The following TASOR2 variants were observed in gnomAD, a reference collection of about 807,000 sequenced individuals.
TASOR2 encodes the protein transcription activation suppressor family member 2, also known as protein TASOR 2.
Under a neutral mutation model 199.5 loss-of-function variants are expected in TASOR2, and 84 were observed. The ratio of observed to expected loss-of-function variants is 0.42; its 90% CI spans 0.35 to 0.50. The LOEUF is 0.50. TASOR2 is among the 20% of genes least tolerant of loss of function. TASOR2 has a pLI of 0.02. For missense variants in TASOR2, 2,796 were observed against 2,835.9 expected (o/e 0.99, Z 0.32); for synonymous variants, 1,103 against 1,046.6 (o/e 1.05, Z -1.04).
chr10:5,760,562 C>G (rs940208190), intron 18 of TASOR2, among the ~76,000 whole-genome samples: 1 of 151,990 alleles, frequency 6.6e-6, no homozygotes, highest in Admixed American at 6.6e-5. Flanking sequence ...CAAAATAATG[C>G]CCACCCAAAA....
At chr10:5,749,713 A>T in exon 15 of TASOR2, 2 of 1,614,236 alleles carry the variant, frequency 1.2e-6, no homozygotes, top group Non-Finnish European at 1.7e-6. Context: ...ACTGAAATAC[A>T]ACAGTACTGT....
At position 5,738,160 on chromosome 10, in the gene TASOR2, C is replaced by G. The variant is rs1835884948; in HGVS notation, c.1448-1458C>G. On this transcript the variant is annotated intron_variant, in intron 12 of 20. Coordinates refer to ENST00000328090, the Ensembl canonical transcript of TASOR2. The surrounding 1 kb of genome is among the most constrained non-coding windows in gnomAD (Gnocchi z 4.7). ...CCTTTTGTTAATGAAACATGATTTTCTGTCCTTTTTATTCACTGAACTTTT... is the reference window on the plus strand; with the variant it reads ...CCTTTTGTTAATGAAACATGATTTTGTGTCCTTTTTATTCACTGAACTTTT... 6.6e-6 allele frequency among the ~76,000 whole-genome samples: 1 copy of G among 152,080 alleles called. No individual in the cohort carries two copies. Among genetic ancestry groups the G allele is most frequent in the South Asian group, 2.1e-4 (1 of 4,830 alleles).
At chr10:5,739,909 C>G in exon 13 of TASOR2, 3 of 1,614,158 alleles carry the variant, frequency 1.9e-6, no homozygotes, top group Non-Finnish European at 2.5e-6. Flanking sequence ...CGAGGTACAT[C>G]TGACCATGAA....
chr10:5,731,266 A>G, intron 11 of TASOR2, 63 bp downstream of exon 12: 1 of 1,482,084 alleles, frequency 6.7e-7, no homozygotes, highest in Non-Finnish European at 9.1e-7. Context: ...TTGGTGGCTC[A>G]TGCCTGTAAT....
At position 5,694,868 on chromosome 10, in the gene TASOR2, T is replaced by C. The variant is rs916789521; in HGVS notation, c.-288+9693T>C. 4.6e-5 allele frequency among the ~76,000 whole-genome samples: 7 copies of C among 152,340 alleles called. No homozygotes were observed. The East Asian group carries it at 7.7e-4, about 17-fold the overall frequency. ...TTTTTATTTTGACCTATTAGTATGG[T>C]TAAATTTATGGATTTACTATTTATT... is the stretch of plus-strand genomic sequence containing the variant. On this transcript the variant is annotated intron_variant, in intron 1 of 20. Transcript: ENST00000328090.
chr10:5,708,874 G>T (rs1831555068), intron 1 of TASOR2, among the ~76,000 whole-genome samples: 1 of 151,872 alleles, frequency 6.6e-6, no homozygotes, highest in Admixed American at 6.6e-5. Context: ...GCTAATTTTT[G>T]TATTTTTTAT....
At chr10:5,713,482 A>T (rs1489371145) in intron 2 of TASOR2, among the ~76,000 whole-genome samples, 1 of 152,160 alleles carries the variant, frequency 6.6e-6, no homozygotes, top group Non-Finnish European at 1.5e-5. Context: ...AATACCAGAG[A>T]TCTAAAATAA....
Position 5,748,000 on chromosome 10 carries a change from C to T in TASOR2, c.4579C>T (p.Gln1527Ter), listed in dbSNP as rs762678278. 1 of 1,607,594 alleles carries T rather than the reference C, an allele frequency of 6.2e-7. No homozygotes were observed. Among genetic ancestry groups the T allele is most frequent in the Non-Finnish European group, 8.5e-7 (1 of 1,179,992 alleles). The change falls in exon 15 of 21, where the codon CAG (glutamine) becomes TAG (stop). Residue 1527 changes from glutamine to a stop codon, truncating the protein, a stop_gained. Coordinates refer to ENST00000328090, the Ensembl canonical transcript of TASOR2. LOFTEE classifies it high-confidence loss of function. ...GCAGTGCTATGGTAGGGAGTTAAAC[C>T]AGCCTGCCTCAGCTGCCAAATGCAC... is the stretch of plus-strand genomic sequence containing the variant.
rs1424362547 is a variant in TASOR2 at position 5,722,591 on chromosome 10, ACAAAG to A, written c.147-1081_147-1077del. ...TGCGTGTGTATAGAGAGAGAGAATG[ACAAAG>A]CAAACATGGTATACTGTTAATATTT... On this transcript the variant is annotated intron_variant, in intron 6 of 20. Coordinates refer to ENST00000328090, the Ensembl canonical transcript of TASOR2. This position sits in a 1 kb window ranked among gnomAD's most constrained non-coding sequence, Gnocchi z 4.0. Among the ~76,000 whole-genome samples the A allele has an allele frequency of 6.6e-6, 1 of 152,226 alleles. No individual in the cohort carries two copies. Among genetic ancestry groups the A allele is most frequent in the African/African-American group, 2.4e-5 (1 of 41,448 alleles).
At chr10:5,688,619 TTTCAAGGGCTC>T (rs1836067848) in intron 1 of TASOR2, among the ~76,000 whole-genome samples, 1 of 152,152 alleles carries the variant, frequency 6.6e-6, no homozygotes, top group Non-Finnish European at 1.5e-5. Flanking sequence ...TACCATGCAC[TTTCAAGGGCTC>T]TTTTACCTAC....
rs751528674 is a variant in TASOR2 at position 5,748,728 on chromosome 10, A to T, written c.5307A>T (p.Lys1769Asn). 6.2e-7 allele frequency: 1 copy of T among 1,614,212 alleles called. No homozygotes were observed. Among genetic ancestry groups the T allele is most frequent in the Non-Finnish European group, 8.5e-7 (1 of 1,180,038 alleles). Residue 1769 changes from lysine to asparagine, a missense_variant, in exon 15 of 21, where the codon AAA (lysine) becomes AAT (asparagine). Lys to Asn is a moderately conservative substitution (Grantham distance 94). Around this residue, in one of 3 missense-constraint regions of TASOR2, gnomAD observed 1,941 missense variants for 1,924.9 expected, o/e 1.01. Transcript: ENST00000328090. This position sits in a 1 kb window ranked among gnomAD's most constrained non-coding sequence, Gnocchi z 5.1. ...CAGACACCAAGGAAAACCTCAGTAA[A>T]GAGCCTTTGGCCTCCTTTGTTTCAG...
chr10:5,686,743 C>T (rs1465759779), intron 1 of TASOR2, among the ~76,000 whole-genome samples: 1 of 152,192 alleles, frequency 6.6e-6, no homozygotes, highest in Non-Finnish European at 1.5e-5. Flanking sequence ...TAATTTTTAT[C>T]TTCCTTGGTG....
In TASOR2 at chr10:5,726,815, A is replaced by C. The variant is rs1588747767; in HGVS notation, c.352-70A>C. 7 of 1,357,678 alleles carry C rather than the reference A, an allele frequency of 5.2e-6. No homozygotes were observed. The East Asian group carries it at 1.6e-4, about 31-fold the overall frequency. 84.1% of individuals were successfully genotyped at this position (1,357,678 alleles called of 1,614,324 possible). ...TTCTTGAGGTCAATATTCACTAATG[A>C]GTATGGGTAGAGGGAGAAGAGAGGG... On this transcript the variant is annotated intron_variant, in intron 8 of 20. Transcript: ENST00000328090.
chr10:5,715,713 G>T, intron 2 of TASOR2, among the ~76,000 whole-genome samples: 2 of 152,072 alleles, frequency 1.3e-5, no homozygotes, highest in Admixed American at 1.3e-4. Flanking sequence ...CGCAATCTCA[G>T]CTCTCTGCAA....
At position 5,690,082 on chromosome 10, in the gene TASOR2, TTTGTGG is replaced by T. The variant is rs1489075684; in HGVS notation, c.-288+4912_-288+4917del. The stretch of plus-strand genomic sequence containing the variant: ...TAATTTTAGAAATATCTTCCTTGTA[TTTGTGG>T]TTGTATCGTCTTTGCTTTCAATATT... On this transcript the variant is annotated intron_variant, in intron 1 of 20. Coordinates refer to ENST00000328090, the Ensembl canonical transcript of TASOR2. The surrounding 1 kb of genome is among the most constrained non-coding windows in gnomAD (Gnocchi z 4.8). Among the ~76,000 whole-genome samples the T allele has an allele frequency of 2.0e-5, 3 of 152,182 alleles. No individual in the cohort carries two copies. Among genetic ancestry groups the T allele is most frequent in the Admixed American group, 1.3e-4 (2 of 15,292 alleles).
At chr10:5,758,773 C>A (rs1265217613) in intron 17 of TASOR2, 114 bp from the exon 19 acceptor site, 6 of 727,656 alleles carry the variant, frequency 8.2e-6, no homozygotes, top group Non-Finnish European at 1.2e-5. Context: ...TGTACTCAAC[C>A]ATGGGTCTTA....
chr10:5,696,081 C>T (rs59827083), intron 1 of TASOR2, among the ~76,000 whole-genome samples: 9,463 of 152,154 alleles, frequency 0.062, 870 homozygotes, highest in East Asian at 0.44. Context: ...GGGTGAAGCA[C>T]CTAAATGAAA....
intron 1 of TASOR2, chr10:5,712,066 G>C (rs866729769): frequency 5.8e-6 from 1 of 172,030 alleles, no homozygotes; most frequent in Non-Finnish European, 1.2e-5. Flanking sequence ...AAAAGTCTAA[G>C]CAGCTCCTGA....
chr10:5,749,789 A>G, exon 15 of TASOR2: 1 of 1,614,174 alleles, frequency 6.2e-7, no homozygotes, highest in Non-Finnish European at 8.5e-7. Flanking sequence ...AAGGTGATGA[A>G]GAATAGCAAC....
Sources: allele counts gnomAD v4.1 joint callset (sites outside exome capture counted in the v4.1 genomes callset), GRCh38; gene constraint gnomAD v4.1.1; regional missense constraint gnomAD v4.1.1; non-coding constraint Gnocchi (gnomAD v3.1); transcripts MANE v1.5; gene names NCBI Gene and HGNC (gene_info 2026-07-23, HGNC 2026-07-21).